Variants in ZBTB25 observed in about 807,000 individuals in gnomAD.
ZBTB25 encodes zinc finger and BTB domain containing 25, also known as zinc finger and BTB domain-containing protein 25.
ZBTB25 carries 20 observed loss-of-function variants against 34.2 expected under a neutral mutation model. The ratio of observed to expected loss-of-function variants is 0.58; its 90% confidence interval spans 0.41 to 0.85. ZBTB25 has a LOEUF of 0.85. ZBTB25 is among the 40% of genes least tolerant of loss of function. ZBTB25 has a pLI of 0.00. For missense variants in ZBTB25, 437 were observed against 521.8 expected (o/e 0.84, Z 1.58); for synonymous variants, 175 against 186.4 (o/e 0.94, Z 0.50).
chr14:64,487,472 T>C lies in ZBTB25; in HGVS notation c.759A>G (p.Leu253=), dbSNP rs1392389137. The C allele has an allele frequency of 6.2e-7, 1 of 1,614,208 alleles. No homozygotes were observed. Among genetic ancestry groups the C allele is most frequent in the Admixed American group, 1.7e-5 (1 of 60,020 alleles). ...CGERFDSRSN[L]RQHLHTHVSG... The stretch of plus-strand genomic sequence containing the variant: ...ACACATGTGTATGGAGATGTTGCCT[T>C]AGGTTACTACGGGAATCAAAACGTT... The change falls in exon 3 of 3, where the codon CTA becomes CTG. Residue 253 remains leucine, a synonymous_variant. Coordinates refer to ENST00000608382, the MANE Select transcript of ZBTB25 (RefSeq NM_006977.5).
chr14:64,487,181 G>A lies in ZBTB25; in HGVS notation c.1050C>T (p.Ser350=). The A allele has an allele frequency of 6.2e-7, 1 of 1,614,102 alleles. No individual in the cohort carries two copies. Among genetic ancestry groups the A allele is most frequent in the African/African-American group, 1.3e-5 (1 of 75,008 alleles). Residue 350 remains serine, a synonymous_variant, in exon 3 of 3, where the codon AGC becomes AGT. Coordinates refer to ENST00000608382, the MANE Select transcript of ZBTB25 (RefSeq NM_006977.5). ...GGAATTTATGACCACAGATGGTACA[G>A]CTCATTTTTCTTTTCCTTGAAAAAG... is the stretch of plus-strand genomic sequence containing the variant. The part of the protein sequence containing the change: ...NFSFSRKRKM[S]CTICGHKFPR...
intron 2 of ZBTB25, among the ~76,000 whole-genome samples, chr14:64,456,287 C>G (rs141580387): frequency 6.6e-6 from 1 of 152,200 alleles, no homozygotes; most frequent in Non-Finnish European, 1.5e-5. Context: ...CGTTTCCACA[C>G]ATGATCAAAT....
intron 2 of ZBTB25, chr14:64,458,758 G>A (rs2078515797): frequency 4.8e-6 from 1 of 207,350 alleles, no homozygotes; most frequent in Admixed American, 5.3e-5. Flanking sequence ...GAAGGAAACA[G>A]GACCAATCTG....
chr14:64,464,931 A>G (rs909872974), intron 2 of ZBTB25, among the ~76,000 whole-genome samples: 1 of 152,194 alleles, frequency 6.6e-6, no homozygotes, highest in African/African-American at 2.4e-5. Flanking sequence ...AAAGGTTTGA[A>G]AGCCTGTTTG....
Position 64,482,998 on chromosome 14 carries a change from T to C in ZBTB25, c.*3925A>G, listed in dbSNP as rs965534438. 2 of 152,234 alleles carry C rather than the reference T, an allele frequency of 1.3e-5. No individual in the cohort carries two copies. The highest frequency in any genetic ancestry group is 4.8e-5 in the African/African-American group (2 of 41,452). The allele number at this position is 152,234 out of a possible 1,614,324, so 9.4% of individuals were successfully genotyped here. A position where few individuals can be genotyped will look rare whatever the true frequency, so the allele number is the denominator to read the frequency against. On this transcript the variant is annotated 3_prime_UTR_variant, in exon 3 of 3. Coordinates refer to ENST00000608382, the MANE Select transcript of ZBTB25 (RefSeq NM_006977.5). ...TTTTTTGTTTTCTTATAAGGCAGAC[T>C]GTGCTGAGTTCTGATGATACGCTAA... is the stretch of plus-strand genomic sequence containing the variant.
chr14:64,494,136 A>G (rs1336898354), intron 1 of ZBTB25, among the ~76,000 whole-genome samples: 8 of 152,238 alleles, frequency 5.3e-5, no homozygotes, highest in African/African-American at 1.9e-4. Context: ...ACAGAGGAGG[A>G]GAAAAAAGAA....
In ZBTB25 at chr14:64,486,701, T is replaced by G; in HGVS notation, c.*222A>C. 8.4e-7 allele frequency: 1 copy of G among 1,186,912 alleles called. No individual in the cohort carries two copies. The highest frequency in any genetic ancestry group is 1.1e-6 in the Non-Finnish European group (1 of 951,400). 73.5% of individuals were successfully genotyped at this position (1,186,912 alleles called of 1,614,324 possible). Reference sequence around the variant, plus strand: ...TGATTTCTGATTTCTAAATTGTTATTTCGTTTGTGAAAAGTTCACAGTAGT... The same window carrying G: ...TGATTTCTGATTTCTAAATTGTTATGTCGTTTGTGAAAAGTTCACAGTAGT... On this transcript the variant is annotated 3_prime_UTR_variant, in exon 3 of 3. Coordinates refer to ENST00000608382, the MANE Select transcript of ZBTB25 (RefSeq NM_006977.5).
At position 64,479,777 on chromosome 14, in the gene ZBTB25, G is replaced by A. The variant is rs1017047717; in HGVS notation, c.*7146C>T. The A allele has an allele frequency of 2.6e-5, 4 of 152,264 alleles. No homozygotes were observed. The highest frequency in any genetic ancestry group is 7.2e-5 in the African/African-American group (3 of 41,428). The allele number at this position is 152,264 out of a possible 1,614,324, so 9.4% of individuals were successfully genotyped here. Reference sequence around the variant, plus strand: ...TGCCATAAGCTCTCCTGGTTCTCAGGTCTTCAAATTCAGATTGGAACATCA... The same window carrying A: ...TGCCATAAGCTCTCCTGGTTCTCAGATCTTCAAATTCAGATTGGAACATCA... On this transcript the variant is annotated 3_prime_UTR_variant, in exon 3 of 3. Coordinates refer to ENST00000608382, the MANE Select transcript of ZBTB25 (RefSeq NM_006977.5).
intron 2 of ZBTB25, among the ~76,000 whole-genome samples, chr14:64,451,174 A>T (rs533388542): frequency 3.9e-5 from 6 of 152,006 alleles, no homozygotes; most frequent in African/African-American, 7.2e-5. Flanking sequence ...CAAAAAAAAA[A>T]TTTTGTTTTA....
intron 1 of ZBTB25, chr14:64,503,028 T>A: frequency 1.0e-6 from 1 of 985,438 alleles, no homozygotes; most frequent in Non-Finnish European, 1.2e-6. Flanking sequence ...GCCGTCAGGT[T>A]CCAGGTACTA....
rs61367816 is a variant in ZBTB25, at chr14:64,490,208, CAAAAAAAAAAAAAAAA to C, written c.173+137_173+152del. On this transcript the variant is annotated intron_variant, in intron 2 of 2. Transcript: ENST00000608382. ...GGGTGACAGAGCAAGACTCTGTCGC[CAAAAAAAAAAAAAAAA>C]AAAAAAAAAAAAAAAAAAAATTATA... 3.7e-3 allele frequency among the ~76,000 whole-genome samples: 339 copies of C among 90,938 alleles called. 5 individuals are homozygous for C. Among genetic ancestry groups the C allele is most frequent in the African/African-American group, 0.02 (324 of 16,160 alleles). 59.7% of individuals were successfully genotyped at this position (90,938 alleles called of 152,430 possible).
intron 2 of ZBTB25, chr14:64,471,557 C>T (rs1331240277): frequency 6.0e-6 from 1 of 166,980 alleles, no homozygotes; most frequent in Non-Finnish European, 1.5e-5. Context: ...TCAATGATTG[C>T]CATATTTTTT....
intron 2 of ZBTB25, among the ~76,000 whole-genome samples, chr14:64,452,724 A>G (rs923402230): frequency 2.0e-5 from 3 of 152,124 alleles, no homozygotes; most frequent in Admixed American, 6.6e-5. Flanking sequence ...CACTTAATCA[A>G]TTGTGTTAAG....
chr14:64,451,428 G>A (rs879744676), intron 2 of ZBTB25, among the ~76,000 whole-genome samples: 6 of 152,192 alleles, frequency 3.9e-5, no homozygotes, highest in Non-Finnish European at 8.8e-5. Context: ...ATTTCTCTTT[G>A]CCCCTTGCAG....
chr14:64,487,030 C>G lies in ZBTB25; in HGVS notation c.1201G>C (p.Asp401His), dbSNP rs769063764. ...RFQPYCDSWS[D>H]VSLKSSRLSQ... is the part of the protein sequence containing the mutation. ...AAGCGAGAACTTTTCAGGGAGACAT[C>G]AGACCAGCTGTCACAGTATGGCTGA... The change falls in exon 3 of 3, where the codon GAT becomes CAT. Residue 401 changes from aspartate to histidine, a missense_variant. Transcript: ENST00000608382. 1.2e-6 allele frequency: 2 copies of G among 1,614,216 alleles called. No homozygotes were observed. The highest frequency in any genetic ancestry group is 2.2e-5 in the South Asian group (2 of 91,084).
chr14:64,449,276 A>G (rs990165374), exon 3 of ZBTB25: 4 of 738,260 alleles, frequency 5.4e-6, no homozygotes, highest in Non-Finnish European at 4.7e-6. Context: ...TAACTGGCCA[A>G]AAGTCACCAG....
chr14:64,501,771 C>G (rs1195867643), intron 1 of ZBTB25, among the ~76,000 whole-genome samples: 1 of 152,204 alleles, frequency 6.6e-6, no homozygotes, highest in Admixed American at 6.5e-5. Flanking sequence ...GGCCAAGGCA[C>G]CTCCTCCCCA....
chr14:64,469,552 A>C, intron 2 of ZBTB25: 1 of 1,614,002 alleles, frequency 6.2e-7, no homozygotes, highest in South Asian at 1.1e-5. Context: ...GAACTTCAGA[A>C]CAATATGAAA....
chr14:64,490,663 A>G (rs2079047183), intron 1 of ZBTB25, 123 bp from the exon 2 acceptor site: 1 of 912,760 alleles, frequency 1.1e-6, no homozygotes, highest in Non-Finnish European at 1.5e-6. Context: ...CTAAATTTAA[A>G]TGAAATTATT....
Sources: gnomAD v4.1 joint callset for allele counts (sites outside exome capture counted in the v4.1 genomes callset) on GRCh38, gnomAD v4.1.1 for gene constraint, MANE v1.5 for transcripts, NCBI Gene and HGNC (gene_info 2026-07-23, HGNC 2026-07-21) for gene names.